RABGAP1L: variants seen among roughly 807,000 people sequenced by gnomAD.
RABGAP1L encodes the protein rab GTPase-activating protein 1-like.
RABGAP1L carries 63 observed loss-of-function variants against 137.7 expected under a neutral mutation model. The observed-to-expected ratio is 0.46, with a 90% confidence interval of 0.37 to 0.56. The LOEUF (loss-of-function observed/expected upper bound fraction) is 0.56, where lower values mean the gene tolerates loss of function less well. RABGAP1L is among the 20% of genes least tolerant of loss of function. The pLI is 0.00. For synonymous variants in RABGAP1L, 431 were observed against 433.7 expected (o/e 0.99, Z 0.08); for missense variants, 1,095 against 1,244.0 (o/e 0.88, Z 1.80).
chr1:174,186,316 GC>G (rs1246442530), intron 1 of RABGAP1L, among the ~76,000 whole-genome samples: 1 of 152,164 alleles, frequency 6.6e-6, no homozygotes, highest in Admixed American at 6.5e-5. Flanking sequence ...TCTCTACGTA[GC>G]TGAATTTCAG....
chr1:174,852,820 A>AT (rs1359199409), intron 19 of RABGAP1L, among the ~76,000 whole-genome samples: 4 of 151,718 alleles, frequency 2.6e-5, no homozygotes, highest in Non-Finnish European at 5.9e-5. Flanking sequence ...GGTCTCAAAA[A>AT]AAAAAATAAA....
chr1:174,444,534 G>C (rs1203932403), intron 13 of RABGAP1L, among the ~76,000 whole-genome samples: 4 of 151,960 alleles, frequency 2.6e-5, no homozygotes, highest in Non-Finnish European at 5.9e-5. Context: ...TCTTCTTTAA[G>C]TGTTTGGTAG....
At chr1:174,212,633 A>G (rs1029918101) in intron 1 of RABGAP1L, among the ~76,000 whole-genome samples, 3 of 152,152 alleles carry the variant, frequency 2.0e-5, no homozygotes, top group Non-Finnish European at 2.9e-5. Context: ...TTAAAGAACT[A>G]GAAAAACAAG....
intron 21 of RABGAP1L, among the ~76,000 whole-genome samples, chr1:174,975,188 T>C (rs997412186): frequency 6.6e-6 from 1 of 152,236 alleles, no homozygotes; most frequent in Non-Finnish European, 1.5e-5. Context: ...AAAAGAGATA[T>C]AGTTCTTGTC....
chr1:174,545,746 C>T (rs1665955718), intron 13 of RABGAP1L: 1 of 152,294 alleles, frequency 6.6e-6, no homozygotes, highest in African/African-American at 2.4e-5. Flanking sequence ...TTGTAATACT[C>T]ACTCTTCCTG....
chr1:174,512,644 T>A (rs1662461610), intron 13 of RABGAP1L, among the ~76,000 whole-genome samples: 1 of 152,192 alleles, frequency 6.6e-6, no homozygotes, highest in African/African-American at 2.4e-5. Context: ...CTTTCTCTAA[T>A]CTTCTTTAAA....
At chr1:174,948,286 TGAG>T (rs1417486249) in intron 19 of RABGAP1L, among the ~76,000 whole-genome samples, 1 of 151,966 alleles carries the variant, frequency 6.6e-6, no homozygotes, top group Non-Finnish European at 1.5e-5. Context: ...TTTGGGAGGC[TGAG>T]GAGGTCAGAT....
chr1:174,862,380 A>G (rs954596801), intron 19 of RABGAP1L, among the ~76,000 whole-genome samples: 1 of 152,160 alleles, frequency 6.6e-6, no homozygotes, highest in South Asian at 2.1e-4. Flanking sequence ...CTGTTAGAGA[A>G]AGGGATCTAT....
At chr1:174,656,941 C>G (rs1572705547) in intron 14 of RABGAP1L, among the ~76,000 whole-genome samples, 1 of 152,132 alleles carries the variant, frequency 6.6e-6, no homozygotes, top group East Asian at 1.9e-4. Context: ...TATAGAACTT[C>G]AAAGTCAGCC....
At chr1:174,378,757 G>GT (rs1685824247) in intron 12 of RABGAP1L, among the ~76,000 whole-genome samples, 2 of 147,176 alleles carry the variant, frequency 1.4e-5, no homozygotes, top group African/African-American at 5.0e-5. Flanking sequence ...TCTGATGGTA[G>GT]TTTCTTTTGC....
intron 11 of RABGAP1L, among the ~76,000 whole-genome samples, chr1:174,305,419 CCT>C (rs1678115420): frequency 6.6e-6 from 1 of 151,968 alleles, no homozygotes; most frequent in Non-Finnish European, 1.5e-5. Flanking sequence ...TAGAGTCTCC[CCT>C]GTCACCCAGG....
intron 18 of RABGAP1L, among the ~76,000 whole-genome samples, chr1:174,768,257 C>G (rs1231047638): frequency 6.6e-6 from 1 of 152,184 alleles, no homozygotes; most frequent in Non-Finnish European, 1.5e-5. Flanking sequence ...GCCCTCCTCC[C>G]CAGGAATGTC....
At chr1:174,890,471 A>G (rs1655943273) in intron 19 of RABGAP1L, among the ~76,000 whole-genome samples, 1 of 152,234 alleles carries the variant, frequency 6.6e-6, no homozygotes, top group East Asian at 1.9e-4. Flanking sequence ...TGGTGGAGAT[A>G]ATTAGAGATA....
chr1:174,196,227 C>CTT (rs758258710), intron 1 of RABGAP1L, among the ~76,000 whole-genome samples: 11 of 141,086 alleles, frequency 7.8e-5, no homozygotes, highest in Non-Finnish European at 1.1e-4. Context: ...TTCTTTCTTT[C>CTT]TTTTTTTTTT....
chr1:174,925,314 C>T (rs1193636784), intron 19 of RABGAP1L, among the ~76,000 whole-genome samples: 1 of 136,688 alleles, frequency 7.3e-6, no homozygotes, highest in African/African-American at 2.8e-5. Flanking sequence ...CGCCACTGCA[C>T]TCCAGCCTGG....
intron 8 of RABGAP1L, among the ~76,000 whole-genome samples, chr1:174,274,837 AG>A (rs534362091): frequency 1.3e-5 from 2 of 152,298 alleles, no homozygotes; most frequent in South Asian, 4.1e-4. Flanking sequence ...ACAATTTTAT[AG>A]GGGGTTCAGA....
rs58262405 is a variant in RABGAP1L, at chr1:174,590,336, C to A, written c.1711-47039C>A. 8.1e-3 allele frequency among the ~76,000 whole-genome samples: 1,019 copies of A among 126,000 alleles called. 15 individuals carry two copies. The highest frequency in any genetic ancestry group is 0.027 in the African/African-American group (950 of 34,814). The allele number at this position is 126,000 out of a possible 152,430, so 82.7% of individuals were successfully genotyped here. A position where few individuals can be genotyped will look rare whatever the true frequency, so the allele number is the denominator to read the frequency against. On this transcript the variant is annotated intron_variant, in intron 13 of 25. Transcript: ENST00000681986. ...TTTAGATGCTGTATTGTTTTTTTTT[C>A]TTTTTTTTTTTATTTATTTTTTTTT...
intron 13 of RABGAP1L, among the ~76,000 whole-genome samples, chr1:174,624,440 G>A (rs1479558209): frequency 3.3e-5 from 5 of 152,050 alleles, no homozygotes; most frequent in African/African-American, 9.7e-5. Context: ...AATGGACTAT[G>A]CCCTGTGTTT....
Position 174,179,544 on chromosome 1 carries a change from GCACACACACACACA to G in RABGAP1L, c.-34+19913_-34+19926del, listed in dbSNP as rs56839600. Among the ~76,000 whole-genome samples, 226 of 147,256 alleles carry G rather than the reference GCACACACACACACA, an allele frequency of 1.5e-3. 3 individuals are homozygous for G. The highest frequency in any genetic ancestry group is 5.2e-3 in the African/African-American group (210 of 40,726). The stretch of plus-strand genomic sequence containing the variant: ...TTCATTAAAGACAGTCTTAGCACGT[GCACACACACACACA>G]CACACACACACACACACACACACAC... On this transcript the variant is annotated intron_variant, in intron 1 of 25. Coordinates refer to ENST00000681986, the MANE Select transcript of RABGAP1L (RefSeq NM_001366446.1).
Sources: gnomAD v4.1 joint callset for allele counts (sites outside exome capture counted in the v4.1 genomes callset) on GRCh38, gnomAD v4.1.1 for gene constraint, MANE v1.5 for transcripts, NCBI Gene and HGNC (gene_info 2026-07-23, HGNC 2026-07-21) for gene names.